SUMF1: variants seen among roughly 807,000 people sequenced by gnomAD.
The protein encoded by SUMF1 is formylglycine-generating enzyme.
In SUMF1, 48 loss-of-function variants were observed where a neutral mutation model predicts 47.6. That is an observed-to-expected ratio of 1.01 (90% CI 0.80 to 1.28). The LOEUF is 1.28. SUMF1 is among the 50% of genes most tolerant of loss of function. The pLI, the probability that SUMF1 is intolerant of heterozygous loss-of-function variation, is 0.00. For synonymous variants in SUMF1, 230 were observed against 192.1 expected, an observed-to-expected ratio of 1.20 and a Z score of -1.63; for missense variants, 571 against 485.4, an observed-to-expected ratio of 1.18 and a Z score of -1.66.
At chr3:4,172,802 C>G (rs745412167) in intron 8 of SUMF1, among the ~76,000 whole-genome samples, 12 of 152,056 alleles carry the variant, frequency 7.9e-5, no homozygotes, top group Non-Finnish European at 1.6e-4. Flanking sequence ...TTCTCCCATT[C>G]TGTAGGTTGC....
intron 9 of SUMF1, among the ~76,000 whole-genome samples, chr3:4,047,989 A>T (rs1695035626): frequency 6.6e-6 from 1 of 152,098 alleles, no homozygotes; most frequent in Non-Finnish European, 1.5e-5. Context: ...GAAACTTCCA[A>T]ATAGAGAGAA....
chr3:4,272,641 C>G (rs927321838), intron 8 of SUMF1, among the ~76,000 whole-genome samples: 2 of 152,078 alleles, frequency 1.3e-5, no homozygotes, highest in Admixed American at 6.6e-5. Context: ...TCTATACTGC[C>G]GTTAATAACT....
chr3:4,312,194 C>A (rs1028667422), intron 8 of SUMF1, among the ~76,000 whole-genome samples: 1 of 152,152 alleles, frequency 6.6e-6, no homozygotes, highest in East Asian at 1.9e-4. Context: ...CTATGACTTT[C>A]TTATCCCCAA....
chr3:4,174,010 G>T (rs1343878986), intron 8 of SUMF1, among the ~76,000 whole-genome samples: 5 of 152,112 alleles, frequency 3.3e-5, no homozygotes, highest in Non-Finnish European at 7.4e-5. Context: ...ACATGTATCT[G>T]CACATGATTT....
intron 8 of SUMF1, among the ~76,000 whole-genome samples, chr3:4,290,196 CT>C (rs1697712424): frequency 6.6e-6 from 1 of 152,154 alleles, no homozygotes; most frequent in African/African-American, 2.4e-5. Context: ...TATTTTCCAT[CT>C]TTTGTCAAAC....
In SUMF1 at chr3:4,045,387, T is replaced by C. The variant is rs151164141; in HGVS notation, c.1191+23182A>G. Among the ~76,000 whole-genome samples, 1,441 of 151,372 alleles carry C rather than the reference T, an allele frequency of 9.5e-3. 27 individuals carry two copies. Among genetic ancestry groups the C allele is most frequent in the African/African-American group, 0.033 (1,361 of 41,248 alleles). On this transcript the variant is annotated intron_variant and NMD_transcript_variant, in intron 9 of 12. Coordinates refer to the SUMF1 transcript ENST00000448413. ...AATTCTATGTCCAACCATCCACCCA[T>C]CCATCCATCCATCCATCCATCCATT...
intron 9 of SUMF1, among the ~76,000 whole-genome samples, chr3:4,044,756 GA>G (rs906963726): frequency 1.3e-5 from 2 of 152,152 alleles, no homozygotes; most frequent in African/African-American, 4.8e-5. Context: ...TTTAGATCAG[GA>G]AAAAATAAGT....
At chr3:4,213,799 A>G (rs1385149020) in intron 8 of SUMF1, among the ~76,000 whole-genome samples, 3 of 152,220 alleles carry the variant, frequency 2.0e-5, no homozygotes, top group African/African-American at 7.2e-5. Flanking sequence ...AACAAAGATC[A>G]AAAGAGACAA....
chr3:4,418,191 T>C, intron 4 of SUMF1, 59 bp from the exon 5 acceptor site: 1 of 1,611,124 alleles, frequency 6.2e-7, no homozygotes, highest in Non-Finnish European at 8.5e-7. Flanking sequence ...AAGCAGGAGC[T>C]GGCTTCAGCA....
At chr3:4,297,553 A>G (rs988533215) in intron 8 of SUMF1, among the ~76,000 whole-genome samples, 3 of 145,560 alleles carry the variant, frequency 2.1e-5, no homozygotes, top group African/African-American at 7.6e-5. Flanking sequence ...GCCACAAGCC[A>G]CTACACCTGA....
intron 3 of SUMF1, among the ~76,000 whole-genome samples, chr3:4,423,279 T>TACACAC (rs56729932): frequency 0.036 from 5,360 of 147,150 alleles, 205 homozygotes; most frequent in African/African-American, 0.087. Flanking sequence ...GAAACTGTGA[T>TACACAC]ACACACACAC....
chr3:4,377,948 G>T (rs1700380900), intron 7 of SUMF1, among the ~76,000 whole-genome samples: 2 of 152,180 alleles, frequency 1.3e-5, no homozygotes, highest in Admixed American at 1.3e-4. Context: ...TTAAGTGGCA[G>T]AAATTAAAAG....
At chr3:4,086,816 G>A (rs1433276015) in intron 8 of SUMF1, among the ~76,000 whole-genome samples, 3 of 151,946 alleles carry the variant, frequency 2.0e-5, no homozygotes, top group South Asian at 2.1e-4. Flanking sequence ...GAAATCTGAC[G>A]GTTTTATAAG....
chr3:4,264,666 T>C (rs1697152795), intron 8 of SUMF1, among the ~76,000 whole-genome samples: 1 of 152,224 alleles, frequency 6.6e-6, no homozygotes, highest in African/African-American at 2.4e-5. Flanking sequence ...GTCTGGGTGA[T>C]AAAATGGGTA....
intron 8 of SUMF1, among the ~76,000 whole-genome samples, chr3:4,074,009 T>G (rs767024038): frequency 6.6e-6 from 1 of 151,838 alleles, no homozygotes; most frequent in Non-Finnish European, 1.5e-5. Flanking sequence ...TCTACCAAAC[T>G]CTCCACCCCA....
chr3:4,429,359 C>G (rs564475194), intron 3 of SUMF1, among the ~76,000 whole-genome samples: 1 of 152,314 alleles, frequency 6.6e-6, no homozygotes, highest in East Asian at 1.9e-4. Context: ...TAGATCTTTA[C>G]AGGTCTTTTC....
intron 8 of SUMF1, chr3:4,317,266 G>C (rs768499392): frequency 8.1e-6 from 12 of 1,478,172 alleles, no homozygotes; most frequent in Non-Finnish European, 1.1e-5. Context: ...GTTGAGCCTA[G>C]TTATAATGAT....
At chr3:4,356,825 G>A (rs1171171098), downstream of SUMF1, among the ~76,000 whole-genome samples, 1 of 152,206 alleles carries the variant, frequency 6.6e-6, no homozygotes, top group Non-Finnish European at 1.5e-5. Context: ...TTTCTGCAGG[G>A]CAGCCATGGA....
At chr3:4,132,216 C>T (rs1220090852) in intron 8 of SUMF1, among the ~76,000 whole-genome samples, 2 of 152,152 alleles carry the variant, frequency 1.3e-5, no homozygotes, top group Non-Finnish European at 2.9e-5. Context: ...CACAGAACGC[C>T]TCACCTACCA....
Sources: gnomAD v4.1 joint callset for allele counts (sites outside exome capture counted in the v4.1 genomes callset) on GRCh38, gnomAD v4.1.1 for gene constraint, MANE v1.5 for transcripts, NCBI Gene and HGNC (gene_info 2026-07-23, HGNC 2026-07-21) for gene names.